DPP10: variants seen among roughly 807,000 people sequenced by gnomAD.
DPP10 encodes inactive dipeptidyl peptidase 10.
Under a neutral mutation model 120.9 loss-of-function variants are expected in DPP10, and 33 were observed. That is an observed-to-expected ratio of 0.27 (90% confidence interval 0.21 to 0.37). DPP10 has a LOEUF of 0.37. Ranked by LOEUF, DPP10 falls within the 10% of genes least tolerant of loss-of-function variation. The pLI, the probability that DPP10 is intolerant of heterozygous loss-of-function variation, is 1.00. For synonymous variants in DPP10, 337 were observed against 326.1 expected (o/e 1.03, Z -0.36); for missense variants, 816 against 942.8 (o/e 0.87, Z 1.76).
intron 1 of DPP10, among the ~76,000 whole-genome samples, chr2:114,741,327 T>C (rs1678042469): frequency 6.6e-6 from 1 of 152,144 alleles, no homozygotes; most frequent in African/African-American, 2.4e-5. Context: ...CAGTTCAGGG[T>C]AATTTCTGTG....
intron 1 of DPP10, among the ~76,000 whole-genome samples, chr2:114,507,816 T>C (rs1045103955): frequency 4.6e-5 from 7 of 152,168 alleles, no homozygotes; most frequent in African/African-American, 1.7e-4. Flanking sequence ...AGGGTTGCTA[T>C]AAGAATTAAA....
intron 21 of DPP10, among the ~76,000 whole-genome samples, chr2:115,817,676 T>C (rs1025409428): frequency 2.8e-5 from 3 of 106,650 alleles, no homozygotes; most frequent in African/African-American, 7.7e-5. Flanking sequence ...AGGTTAGTTT[T>C]TTGTTTTTTT....
rs574814098 is a variant in DPP10 at position 115,180,329 on chromosome 2, A to G, written c.61-128910A>G. Among the ~76,000 whole-genome samples the G allele has an allele frequency of 3.1e-4, 47 of 152,320 alleles. 1 individual carries two copies. In the South Asian group the frequency reaches 8.9e-3, roughly 29 times the overall value. On this transcript the variant is annotated intron_variant, in intron 1 of 25. Transcript: ENST00000410059. Reference sequence around the variant, plus strand: ...TGTTACCAGGCAGATTCCTGATTTCATATTATAAATACTGAATAGGTATGA... The same window carrying G: ...TGTTACCAGGCAGATTCCTGATTTCGTATTATAAATACTGAATAGGTATGA...
At chr2:115,197,713 G>A (rs2055386511) in intron 1 of DPP10, among the ~76,000 whole-genome samples, 1 of 152,172 alleles carries the variant, frequency 6.6e-6, no homozygotes, top group Admixed American at 6.5e-5. Flanking sequence ...AGATACCTGT[G>A]AATCTTGGCT....
At chr2:115,810,148 C>T (rs867987347) in intron 19 of DPP10, among the ~76,000 whole-genome samples, 26 of 148,334 alleles carry the variant, frequency 1.8e-4, no homozygotes, top group African/African-American at 4.2e-4. Context: ...GGCGACAGAG[C>T]GAGACTCCAT....
At chr2:115,157,961 C>T (rs1194110014) in intron 1 of DPP10, among the ~76,000 whole-genome samples, 1 of 152,182 alleles carries the variant, frequency 6.6e-6, no homozygotes, top group East Asian at 1.9e-4. Context: ...GGGTTTCTAG[C>T]AACTAGCTGC....
intron 1 of DPP10, among the ~76,000 whole-genome samples, chr2:114,722,222 G>A (rs962233171): frequency 1.3e-5 from 2 of 152,064 alleles, no homozygotes; most frequent in Non-Finnish European, 2.9e-5. Flanking sequence ...AATAAAAATG[G>A]TAATTCTTAT....
chr2:115,489,180 C>T (rs2075954450), intron 3 of DPP10, among the ~76,000 whole-genome samples: 1 of 152,056 alleles, frequency 6.6e-6, no homozygotes, highest in Admixed American at 6.6e-5. Context: ...TGCAACTACT[C>T]AACTATGCTG....
intron 1 of DPP10, among the ~76,000 whole-genome samples, chr2:114,792,843 T>C (rs772387827): frequency 1.3e-5 from 2 of 152,172 alleles, no homozygotes; most frequent in Non-Finnish European, 2.9e-5. Context: ...TCTTAGAAGC[T>C]TGTACCTATT....
chr2:114,782,051 T>C (rs765735247), intron 1 of DPP10, among the ~76,000 whole-genome samples: 29 of 152,110 alleles, frequency 1.9e-4, no homozygotes, highest in Non-Finnish European at 3.5e-4. Context: ...GGTATTATCC[T>C]GACTAACAAT....
Position 114,789,258 on chromosome 2 carries a change from C to G in DPP10, c.60+346420C>G, listed in dbSNP as rs138084832. Among the ~76,000 whole-genome samples, 4 of 152,234 alleles carry G rather than the reference C, an allele frequency of 2.6e-5. No homozygotes were observed. The East Asian group carries it at 7.7e-4, about 29-fold the overall frequency. On this transcript the variant is annotated intron_variant, in intron 1 of 25. Coordinates refer to ENST00000410059, the MANE Select transcript of DPP10 (RefSeq NM_020868.6). ...AATACATGCTCTCTTACCAGAGTAA[C>G]AGGGGAATATATTTTATGCCTGACT...
chr2:115,380,375 C>T (rs2066216536), intron 3 of DPP10, among the ~76,000 whole-genome samples: 1 of 151,982 alleles, frequency 6.6e-6, no homozygotes, highest in Non-Finnish European at 1.5e-5. Context: ...GGATTGCAGC[C>T]CCTGCCTTTT....
At chr2:114,480,218 G>A (rs1417702039) in intron 1 of DPP10, among the ~76,000 whole-genome samples, 1 of 151,180 alleles carries the variant, frequency 6.6e-6, no homozygotes, top group Non-Finnish European at 1.5e-5. Context: ...AGGTGCTGGA[G>A]AGGATGTGGA....
chr2:114,874,507 G>A (rs1168043878), intron 1 of DPP10, among the ~76,000 whole-genome samples: 3 of 151,928 alleles, frequency 2.0e-5, no homozygotes, highest in African/African-American at 7.3e-5. Context: ...CATTTCGGGT[G>A]TCACTGTCTA....
intron 5 of DPP10, among the ~76,000 whole-genome samples, chr2:115,544,309 A>T (rs2079364067): frequency 6.6e-6 from 1 of 151,982 alleles, no homozygotes; most frequent in Non-Finnish European, 1.5e-5. Flanking sequence ...TTACATATAA[A>T]CCTCCTGGGC....
At chr2:114,706,140 A>C (rs965192972) in intron 1 of DPP10, among the ~76,000 whole-genome samples, 15 of 152,334 alleles carry the variant, frequency 9.8e-5, no homozygotes, top group Admixed American at 9.8e-4. Context: ...AGTCAGTGAA[A>C]GAGCTGCCTG....
At chr2:115,431,484 A>C (rs962041108) in intron 3 of DPP10, among the ~76,000 whole-genome samples, 1 of 152,152 alleles carries the variant, frequency 6.6e-6, no homozygotes, top group African/African-American at 2.4e-5. Flanking sequence ...ATGAATTCTG[A>C]TACTGCAGTG....
intron 1 of DPP10, among the ~76,000 whole-genome samples, chr2:115,063,618 C>G (rs1055512987): frequency 6.6e-6 from 1 of 152,164 alleles, no homozygotes; most frequent in African/African-American, 2.4e-5. Flanking sequence ...GATTGCATGT[C>G]TATAACCATC....
At chr2:115,087,533 C>CTTTTTTTTTT (rs1310507943) in intron 1 of DPP10, among the ~76,000 whole-genome samples, 39 of 92,610 alleles carry the variant, frequency 4.2e-4, no homozygotes, top group South Asian at 8.8e-4. Flanking sequence ...CTTTTCTTTT[C>CTTTTTTTTTT]TTTTCTTTTT....
Sources: allele counts gnomAD v4.1 joint callset (sites outside exome capture counted in the v4.1 genomes callset), GRCh38; gene constraint gnomAD v4.1.1; transcripts MANE v1.5; gene names NCBI Gene and HGNC (gene_info 2026-07-23, HGNC 2026-07-21).